OSBPL6: variants seen among roughly 807,000 people sequenced by gnomAD.
OSBPL6 encodes oxysterol binding protein like 6.
In OSBPL6, 49 loss-of-function variants were observed where a neutral mutation model predicts 125.8. That is an observed-to-expected ratio of 0.39 (90% CI 0.31 to 0.49). The LOEUF is 0.49. Among genes scored for constraint, OSBPL6 ranks in the 20% least tolerant of loss-of-function variants. The pLI is 0.88. For missense variants in OSBPL6, 986 were observed against 1,135.4 expected, an observed-to-expected ratio of 0.87 and a Z score of 1.89; for synonymous variants, 394 against 391.8, an observed-to-expected ratio of 1.01 and a Z score of -0.07.
At chr2:178,254,861 G>A (rs1359827734) in intron 1 of OSBPL6, among the ~76,000 whole-genome samples, 1 of 152,250 alleles carries the variant, frequency 6.6e-6, no homozygotes, top group Non-Finnish European at 1.5e-5. Flanking sequence ...TATTTAGTCT[G>A]TTCTCATGAT....
rs73975830 is a variant in OSBPL6, at chr2:178,304,850, G to A, written c.-155-1180G>A. Among the ~76,000 whole-genome samples the A allele has an allele frequency of 5.0e-3, 760 of 152,166 alleles. 4 individuals carry two copies. Among genetic ancestry groups the A allele is most frequent in the African/African-American group, 0.017 (724 of 41,508 alleles). On this transcript the variant is annotated intron_variant, in intron 2 of 24. Transcript: ENST00000190611. ...ACCACTCATCTGTTGATCATGTCAC[G>A]CCAGACACCCTGGTACTTAGTAAAC...
chr2:178,252,408 T>C lies in OSBPL6; in HGVS notation c.-350-32519T>C, dbSNP rs750430815. On this transcript the variant is annotated intron_variant, in intron 1 of 24. Transcript: ENST00000190611. ...AATAAGTGGGCATGCTGTATTCCAA[T>C]AAAACTTTTATTGTAAAATAAGCAG... 1.8e-4 allele frequency among the ~76,000 whole-genome samples: 27 copies of C among 152,090 alleles called. 1 individual carries two copies. Among genetic ancestry groups the C allele is most frequent in the Admixed American group, 1.3e-3 (20 of 15,276 alleles).
chr2:178,292,619 A>G (rs1685389997), intron 2 of OSBPL6, among the ~76,000 whole-genome samples: 1 of 152,100 alleles, frequency 6.6e-6, no homozygotes, highest in Admixed American at 6.6e-5. Flanking sequence ...GGTCATTCAG[A>G]CAGGCTTTAA....
At chr2:178,214,608 A>T (rs2090007548) in intron 1 of OSBPL6, among the ~76,000 whole-genome samples, 1 of 152,058 alleles carries the variant, frequency 6.6e-6, no homozygotes, top group Non-Finnish European at 1.5e-5. Flanking sequence ...TATAATCTTC[A>T]CTTAAAGTCA....
intron 1 of OSBPL6, among the ~76,000 whole-genome samples, chr2:178,217,398 A>G (rs2090134095): frequency 6.6e-6 from 1 of 152,234 alleles, no homozygotes; most frequent in African/African-American, 2.4e-5. Context: ...AAAAGAAGTC[A>G]GTGGGATGGT....
intron 1 of OSBPL6, among the ~76,000 whole-genome samples, chr2:178,261,166 C>T (rs1017186226): frequency 6.6e-6 from 1 of 150,912 alleles, no homozygotes; most frequent in African/African-American, 2.4e-5. Context: ...AAAACAACAA[C>T]AACAAAACAA....
intron 1 of OSBPL6, among the ~76,000 whole-genome samples, chr2:178,241,489 C>T (rs1414671388): frequency 6.8e-6 from 1 of 147,188 alleles, no homozygotes; most frequent in Non-Finnish European, 1.5e-5. Context: ...GATCTCGGCT[C>T]ACTGCAACCT....
intron 1 of OSBPL6, among the ~76,000 whole-genome samples, chr2:178,236,563 A>G (rs1275731587): frequency 2.0e-5 from 3 of 152,178 alleles, no homozygotes; most frequent in Admixed American, 1.3e-4. Flanking sequence ...CCATACCACC[A>G]GCATGTGCTG....
At chr2:178,291,573 A>C (rs925381352) in intron 2 of OSBPL6, among the ~76,000 whole-genome samples, 3 of 152,110 alleles carry the variant, frequency 2.0e-5, no homozygotes, top group African/African-American at 7.2e-5. Flanking sequence ...TGGTTTGTCA[A>C]GTGACCAAGT....
At chr2:178,315,470 A>G (rs952326593) in intron 3 of OSBPL6, among the ~76,000 whole-genome samples, 4 of 152,224 alleles carry the variant, frequency 2.6e-5, no homozygotes, top group Non-Finnish European at 5.9e-5. Context: ...AAATATCATT[A>G]TCTATTATAT....
At chr2:178,231,680 T>C (rs1361661921) in intron 1 of OSBPL6, among the ~76,000 whole-genome samples, 1 of 140,974 alleles carries the variant, frequency 7.1e-6, no homozygotes, top group Admixed American at 7.3e-5. Context: ...AGGGTCTTGC[T>C]CTGTCACATA....
At chr2:178,204,498 T>C (rs2089431596) in intron 1 of OSBPL6, among the ~76,000 whole-genome samples, 1 of 152,218 alleles carries the variant, frequency 6.6e-6, no homozygotes, top group Non-Finnish European at 1.5e-5. Context: ...CTCAAGGTAG[T>C]AACCTAGTGT....
At chr2:178,350,015 G>A (rs763159514) in intron 12 of OSBPL6, among the ~76,000 whole-genome samples, 1 of 152,290 alleles carries the variant, frequency 6.6e-6, no homozygotes, top group East Asian at 1.9e-4. Context: ...GAAGCTGCAC[G>A]TCCTCTTCAA....
intron 1 of OSBPL6, among the ~76,000 whole-genome samples, chr2:178,266,205 T>C (rs927621052): frequency 2.0e-5 from 3 of 152,198 alleles, no homozygotes; most frequent in Non-Finnish European, 4.4e-5. Context: ...CTGGGGATTC[T>C]GGTCTCAATC....
chr2:178,352,659 G>A (rs1443676853), intron 12 of OSBPL6, among the ~76,000 whole-genome samples: 1 of 152,176 alleles, frequency 6.6e-6, no homozygotes, highest in Non-Finnish European at 1.5e-5. Flanking sequence ...CTGTGGTCAG[G>A]GCATAGTTGA....
chr2:178,358,805 A>C (rs1307489269), intron 12 of OSBPL6, among the ~76,000 whole-genome samples: 1 of 152,166 alleles, frequency 6.6e-6, no homozygotes, highest in Non-Finnish European at 1.5e-5. Context: ...AAGCTTCTGC[A>C]CAGCAAAGAA....
intron 1 of OSBPL6, among the ~76,000 whole-genome samples, chr2:178,250,397 C>T (rs774969883): frequency 6.6e-6 from 1 of 152,176 alleles, no homozygotes; most frequent in Non-Finnish European, 1.5e-5. Flanking sequence ...AAAACTCCTG[C>T]CCTAAGTTTC....
intron 1 of OSBPL6, among the ~76,000 whole-genome samples, chr2:178,269,043 G>C (rs1450080583): frequency 6.6e-6 from 1 of 152,168 alleles, no homozygotes; most frequent in Non-Finnish European, 1.5e-5. Context: ...ATATTGCTTT[G>C]CATAGCTCTT....
At chr2:178,210,851 C>T (rs334019) in intron 1 of OSBPL6, among the ~76,000 whole-genome samples, 148,819 of 150,334 alleles carry the variant, frequency 0.99, 73,659 homozygotes, top group Middle Eastern at 1. Context: ...CACACACACC[C>T]CTCTCTGCTG....
Sources: allele counts gnomAD v4.1 joint callset (sites outside exome capture counted in the v4.1 genomes callset), GRCh38; gene constraint gnomAD v4.1.1; transcripts MANE v1.5; gene names NCBI Gene and HGNC (gene_info 2026-07-23, HGNC 2026-07-21).